PRKCI: variants seen among roughly 807,000 people sequenced by gnomAD.
The protein encoded by PRKCI is protein kinase C iota type.
A neutral mutation model predicts 84.0 loss-of-function variants in PRKCI; 43 were observed. That is an observed-to-expected ratio of 0.51 (90% CI 0.40 to 0.66). PRKCI has a LOEUF of 0.66. Among genes scored for constraint, PRKCI ranks in the 30% least tolerant of loss-of-function variants. PRKCI has a pLI of 0.00. For synonymous variants in PRKCI, 216 were observed against 234.4 expected (o/e 0.92, Z 0.72); for missense variants, 459 against 745.6 (o/e 0.62, Z 4.48).
intron 1 of PRKCI, among the ~76,000 whole-genome samples, chr3:170,223,006 G>A (rs1560162927): frequency 6.6e-6 from 1 of 152,148 alleles, no homozygotes; most frequent in South Asian, 2.1e-4. Flanking sequence ...CCAGAGTAGG[G>A]TCCGAGAAGG....
At chr3:170,252,812 T>TG (rs1733488177) in intron 2 of PRKCI, among the ~76,000 whole-genome samples, 1 of 152,094 alleles carries the variant, frequency 6.6e-6, no homozygotes, top group Admixed American at 6.6e-5. Context: ...GGGGTGGTCT[T>TG]GAACCAAATA....
intron 2 of PRKCI, among the ~76,000 whole-genome samples, chr3:170,249,144 G>A (rs1010758691): frequency 1.8e-4 from 27 of 152,074 alleles, no homozygotes; most frequent in African/African-American, 6.3e-4. Context: ...TACCGCGCCC[G>A]GCCAGAATTG....
intron 11 of PRKCI, among the ~76,000 whole-genome samples, chr3:170,282,468 G>A (rs949585716): frequency 2.6e-5 from 4 of 151,874 alleles, no homozygotes; most frequent in Non-Finnish European, 5.9e-5. Context: ...AGGCTGAGGC[G>A]GGCGGATCAC....
At chr3:170,246,315 G>A (rs1733283643) in intron 2 of PRKCI, among the ~76,000 whole-genome samples, 1 of 152,044 alleles carries the variant, frequency 6.6e-6, no homozygotes, top group African/African-American at 2.4e-5. Context: ...ACCATGCCCA[G>A]CTAATTTTTG....
Position 170,299,087 on chromosome 3 carries a change from T to A in PRKCI, c.1680T>A (p.Pro560=). Residue 560 remains proline (P), a synonymous_variant, in exon 17 of 18, where the codon CCT becomes CCA. Coordinates refer to ENST00000295797, the MANE Select transcript of PRKCI (RefSeq NM_002740.6). The part of the protein sequence containing the change: ...DNFDSQFTNE[P]VQLTPDDDDI... ...TTGATTCTCAGTTTACTAATGAACC[T>A]GTCCAGCTCACTCCAGATGACGAGT... 1 of 1,602,162 alleles carries A rather than the reference T, an allele frequency of 6.2e-7. No homozygotes were observed. Among genetic ancestry groups the A allele is most frequent in the Non-Finnish European group, 8.5e-7 (1 of 1,175,854 alleles).
At chr3:170,299,395 T>C (rs577943161) in intron 17 of PRKCI, among the ~76,000 whole-genome samples, 2 of 152,278 alleles carry the variant, frequency 1.3e-5, no homozygotes, top group East Asian at 3.9e-4. Context: ...GCCCAGCTAA[T>C]TTTTGTATTT....
intron 1 of PRKCI, among the ~76,000 whole-genome samples, chr3:170,234,271 T>C (rs1732885707): frequency 6.6e-6 from 1 of 151,858 alleles, no homozygotes; most frequent in African/African-American, 2.4e-5. Context: ...CCTCAGGTGA[T>C]CCATCTGCCT....
At chr3:170,236,845 G>A (rs1329992378) in intron 2 of PRKCI, among the ~76,000 whole-genome samples, 1 of 129,404 alleles carries the variant, frequency 7.7e-6, no homozygotes, top group Non-Finnish European at 1.6e-5. Context: ...AACAAAGCAA[G>A]CAAAGCAAGA....
chr3:170,279,683 G>C (rs1247992446), intron 8 of PRKCI, among the ~76,000 whole-genome samples: 1 of 152,130 alleles, frequency 6.6e-6, no homozygotes, highest in Non-Finnish European at 1.5e-5. Context: ...CTTGTTTTCT[G>C]TCTATAGCAT....
intron 8 of PRKCI, among the ~76,000 whole-genome samples, chr3:170,276,625 A>G (rs2108856818): frequency 6.6e-6 from 1 of 152,154 alleles, no homozygotes; most frequent in East Asian, 1.9e-4. Context: ...ATCACAATAT[A>G]CAAAAATTTA....
chr3:170,293,356 T>G, intron 13 of PRKCI, 27 bp from the exon 14 acceptor site: 1 of 1,593,062 alleles, frequency 6.3e-7, no homozygotes, highest in African/African-American at 1.4e-5. Context: ...AGTGTATAAT[T>G]TATTGCTTTA....
chr3:170,277,309 AG>A (rs1166398133), intron 8 of PRKCI, among the ~76,000 whole-genome samples: 1 of 152,058 alleles, frequency 6.6e-6, no homozygotes, highest in African/African-American at 2.4e-5. Flanking sequence ...AAGACCTATA[AG>A]CAGCCAACAC....
intron 2 of PRKCI, among the ~76,000 whole-genome samples, chr3:170,242,987 T>TTTTTTTTTTTTTTTTTTTTTTTG (rs1733173985): frequency 6.6e-6 from 1 of 152,138 alleles, no homozygotes; most frequent in African/African-American, 2.4e-5. Flanking sequence ...ACATTTCTTA[T>TTTTTTTTTTTTTTTTTTTTTTTG]AGAGAAGTTC....
intron 2 of PRKCI, among the ~76,000 whole-genome samples, chr3:170,252,059 C>G (rs1028579911): frequency 5.3e-5 from 8 of 151,932 alleles, no homozygotes; most frequent in Admixed American, 4.6e-4. Context: ...ACTAAAAATA[C>G]AAAAATTAGC....
intron 12 of PRKCI, among the ~76,000 whole-genome samples, chr3:170,287,544 C>T (rs1340879465): frequency 1.3e-5 from 2 of 151,742 alleles, no homozygotes; most frequent in Non-Finnish European, 2.9e-5. Flanking sequence ...TTACAGTACA[C>T]TAATGCATTT....
At chr3:170,246,183 G>A (rs1004996609) in intron 2 of PRKCI, among the ~76,000 whole-genome samples, 7 of 151,020 alleles carry the variant, frequency 4.6e-5, no homozygotes, top group African/African-American at 9.8e-5. Context: ...TGTAGTGCTC[G>A]CTCTTGCCGC....
intron 16 of PRKCI, among the ~76,000 whole-genome samples, chr3:170,298,365 A>G (rs1368837025): frequency 6.6e-6 from 1 of 151,132 alleles, no homozygotes; most frequent in African/African-American, 2.4e-5. Flanking sequence ...AGTAGCTGGG[A>G]CTACAGGCAT....
intron 5 of PRKCI, among the ~76,000 whole-genome samples, chr3:170,269,923 A>G (rs1577360900): frequency 6.6e-6 from 1 of 151,974 alleles, no homozygotes; most frequent in South Asian, 2.1e-4. Flanking sequence ...GTGCCATTGC[A>G]TTCCAGCCTG....
At chr3:170,235,767 A>G (rs973308097) in intron 2 of PRKCI, among the ~76,000 whole-genome samples, 1 of 151,842 alleles carries the variant, frequency 6.6e-6, no homozygotes, top group Non-Finnish European at 1.5e-5. Context: ...GGGTTTCGCT[A>G]TGTTGGCCAA....
Sources: gnomAD v4.1 joint callset for allele counts (sites outside exome capture counted in the v4.1 genomes callset) on GRCh38, gnomAD v4.1.1 for gene constraint, MANE v1.5 for transcripts, NCBI Gene and HGNC (gene_info 2026-07-23, HGNC 2026-07-21) for gene names.